GRIA2: variants seen among roughly 807,000 people sequenced by gnomAD.
The protein encoded by GRIA2 is glutamate receptor 2.
A neutral mutation model predicts 97.3 loss-of-function variants in GRIA2; 14 were observed. The ratio of observed to expected loss-of-function variants is 0.14; its 90% CI spans 0.10 to 0.23. The LOEUF is 0.23. GRIA2 is among the 10% of genes least tolerant of loss of function. The pLI, the probability that GRIA2 is intolerant of heterozygous loss-of-function variation, is 1.00. For synonymous variants in GRIA2, 412 were observed against 387.8 expected (o/e 1.06, Z -0.73); for missense variants, 558 against 1,069.8 (o/e 0.52, Z 6.67).
At chr4:157,350,572 A>C (rs1437027569) in intron 12 of GRIA2, among the ~76,000 whole-genome samples, 3 of 151,646 alleles carry the variant, frequency 2.0e-5, no homozygotes, top group Non-Finnish European at 4.4e-5. Context: ...GTTTACATGG[A>C]GAAAAAAAAA....
chr4:157,224,833 A>T (rs528645735), intron 2 of GRIA2, among the ~76,000 whole-genome samples: 72 of 152,040 alleles, frequency 4.7e-4, no homozygotes, highest in Non-Finnish European at 7.7e-4. Context: ...GACAGCTAAG[A>T]TCTAAACATC....
intron 2 of GRIA2, among the ~76,000 whole-genome samples, chr4:157,241,112 G>A (rs138917678): frequency 6.6e-6 from 1 of 152,024 alleles, no homozygotes; most frequent in East Asian, 1.9e-4. Context: ...TTCTAAGAAC[G>A]GGTATTTTGG....
intron 3 of GRIA2, among the ~76,000 whole-genome samples, chr4:157,308,572 A>C (rs1212057789): frequency 1.3e-5 from 2 of 152,230 alleles, no homozygotes; most frequent in African/African-American, 4.8e-5. Context: ...AATAAAAATA[A>C]GTGAGTCTCT....
chr4:157,340,569 T>C (rs1275801452), intron 11 of GRIA2, among the ~76,000 whole-genome samples: 1 of 151,966 alleles, frequency 6.6e-6, no homozygotes, highest in Non-Finnish European at 1.5e-5. Context: ...TTGTTTTCTT[T>C]GAGTTTTATT....
intron 2 of GRIA2, among the ~76,000 whole-genome samples, chr4:157,293,124 A>G (rs1466967745): frequency 1.3e-5 from 2 of 152,162 alleles, no homozygotes; most frequent in Non-Finnish European, 2.9e-5. Context: ...TTGCTACACT[A>G]TATTTGGGTG....
At chr4:157,273,661 A>G (rs1732141497) in intron 2 of GRIA2, among the ~76,000 whole-genome samples, 1 of 152,100 alleles carries the variant, frequency 6.6e-6, no homozygotes, top group Admixed American at 6.6e-5. Flanking sequence ...GGTTATGTCA[A>G]CAGACACTTT....
chr4:157,255,099 C>T (rs1158102273), intron 2 of GRIA2, among the ~76,000 whole-genome samples: 1 of 151,938 alleles, frequency 6.6e-6, no homozygotes, highest in African/African-American at 2.4e-5. Flanking sequence ...ACCCAGTCTC[C>T]CCGTCTATCA....
Position 157,333,344 on chromosome 4 carries a change from G to T in GRIA2, c.1146G>T (p.Gly382=), listed in dbSNP as rs755543391. 23 of 1,561,398 alleles carry T rather than the reference G, an allele frequency of 1.5e-5. No individual in the cohort carries two copies. Among genetic ancestry groups the T allele is most frequent in the Non-Finnish European group, 2.0e-5 (23 of 1,139,956 alleles). Residue 382 remains glycine (G), a synonymous_variant, in exon 8 of 16, where the codon GGG becomes GGT. Transcript: ENST00000264426. Reference sequence around the variant, plus strand: ...ACATCATGGAGCTCAAAACTAATGGGCCCCGGAAGGTAAATCCTTAGTGAT... The same window carrying T: ...ACATCATGGAGCTCAAAACTAATGGTCCCCGGAAGGTAAATCCTTAGTGAT... ...TINIMELKTN[G]PRKIGYWSEV...
At chr4:157,235,383 G>C (rs17243302) in intron 2 of GRIA2, among the ~76,000 whole-genome samples, 4,406 of 152,008 alleles carry the variant, frequency 0.029, 70 homozygotes, top group Middle Eastern at 0.082. Context: ...GGCAAAAGTA[G>C]AAGTTGTTAA....
chr4:157,347,006 C>T (rs1045572933), intron 12 of GRIA2, among the ~76,000 whole-genome samples: 1 of 152,080 alleles, frequency 6.6e-6, no homozygotes, highest in African/African-American at 2.4e-5. Flanking sequence ...TCAGTAGAAC[C>T]CATGATCTCT....
chr4:157,333,221 C>T (rs1735136044), intron 7 of GRIA2, 28 bp from the exon 8 acceptor site: 2 of 1,302,864 alleles, frequency 1.5e-6, no homozygotes, highest in Non-Finnish European at 2.2e-6. Flanking sequence ...AAATATATAA[C>T]TCTGCTGCTT....
chr4:157,274,920 C>T (rs1363233726), intron 2 of GRIA2, among the ~76,000 whole-genome samples: 1 of 150,224 alleles, frequency 6.7e-6, no homozygotes, highest in African/African-American at 2.4e-5. Flanking sequence ...ATTTCTAGTT[C>T]TAGATCCCTG....
At chr4:157,230,483 C>T (rs1038801036) in intron 2 of GRIA2, among the ~76,000 whole-genome samples, 8 of 152,012 alleles carry the variant, frequency 5.3e-5, no homozygotes, top group African/African-American at 1.7e-4. Flanking sequence ...ATTTGCAACT[C>T]GAAATTAATT....
At chr4:157,248,265 C>T (rs1019682715) in intron 2 of GRIA2, among the ~76,000 whole-genome samples, 2 of 150,944 alleles carry the variant, frequency 1.3e-5, no homozygotes, top group Non-Finnish European at 3.0e-5. Context: ...AGCATTTTTT[C>T]ATATGTGAGT....
intron 2 of GRIA2, among the ~76,000 whole-genome samples, chr4:157,284,987 C>A (rs971836042): frequency 5.3e-5 from 8 of 151,694 alleles, no homozygotes; most frequent in Admixed American, 1.3e-4. Context: ...TTTAAGTCTA[C>A]AGGATTTTGC....
Position 157,335,790 on chromosome 4 carries a change from G to A in GRIA2, c.1386G>A (p.Lys462=). The A allele has an allele frequency of 6.2e-7, 1 of 1,612,864 alleles. No individual in the cohort carries two copies. The highest frequency in any genetic ancestry group is 8.5e-7 in the Non-Finnish European group (1 of 1,179,214). ...EIAKHCGFKY[K]LTIVGDGKYG... ...CCAAACATTGTGGGTTCAAGTACAAGTTGACAATTGTTGGTGATGGCAAGT... is the reference window on the plus strand; with the variant it reads ...CCAAACATTGTGGGTTCAAGTACAAATTGACAATTGTTGGTGATGGCAAGT... Residue 462 remains lysine (K), a synonymous_variant, in exon 10 of 16, where the codon AAG becomes AAA. Coordinates refer to ENST00000264426, the MANE Select transcript of GRIA2 (RefSeq NM_001083619.3).
chr4:157,347,087 C>T (rs1224439064), intron 12 of GRIA2, among the ~76,000 whole-genome samples: 1 of 151,980 alleles, frequency 6.6e-6, no homozygotes, highest in Non-Finnish European at 1.5e-5. Flanking sequence ...ACGTATTGCC[C>T]AGTTTAAGGA....
chr4:157,359,022 A>G (rs752611395), intron 12 of GRIA2, among the ~76,000 whole-genome samples: 4 of 152,160 alleles, frequency 2.6e-5, no homozygotes, highest in Non-Finnish European at 4.4e-5. Context: ...CCCAAAAGGG[A>G]TTAAAGTCAT....
chr4:157,303,811 C>T lies in GRIA2; in HGVS notation c.469+20C>T, dbSNP rs1349782074. The T allele has an allele frequency of 6.2e-7, 1 of 1,611,268 alleles. No homozygotes were observed. Among genetic ancestry groups the T allele is most frequent in the South Asian group, 1.1e-5 (1 of 90,998 alleles). On this transcript the variant is annotated intron_variant, in intron 3 of 15. Transcript: ENST00000264426. ...ACAGAGGTAAGTGACAGTATCTCAT[C>T]TCTTTGTAATGGGGCGAATTCAATG...
Sources: allele counts gnomAD v4.1 joint callset (sites outside exome capture counted in the v4.1 genomes callset), GRCh38; gene constraint gnomAD v4.1.1; transcripts MANE v1.5; gene names NCBI Gene and HGNC (gene_info 2026-07-23, HGNC 2026-07-21).